Variants in LNPK observed in about 807,000 individuals in gnomAD.
LNPK encodes endoplasmic reticulum junction formation protein lunapark.
In LNPK, 29 loss-of-function variants were observed where a neutral mutation model predicts 55.2. That is an observed-to-expected ratio of 0.53 (90% CI 0.39 to 0.72). The LOEUF (loss-of-function observed/expected upper bound fraction) is 0.72. LNPK is among the 30% of genes least tolerant of loss of function. The pLI, the probability that LNPK is intolerant of heterozygous loss-of-function variation, is 0.00. For missense variants in LNPK, 467 were observed against 494.8 expected, an observed-to-expected ratio of 0.94 and a Z score of 0.53; for synonymous variants, 162 against 168.2, an observed-to-expected ratio of 0.96 and a Z score of 0.29.
Position 175,929,920 on chromosome 2 carries a change from A to T in LNPK, c.*47T>A. 6.2e-7 allele frequency: 1 copy of T among 1,604,458 alleles called. No individual in the cohort carries two copies. The highest frequency in any genetic ancestry group is 1.3e-5 in the African/African-American group (1 of 74,584). ...TGCCACCGAAAAAGCAATAACTGAC[A>T]TCAGTAAGACTATAAATATCCAGTT... On this transcript the variant is annotated 3_prime_UTR_variant, in exon 13 of 13. Transcript: ENST00000272748.
chr2:175,946,410 T>A (rs942461231), intron 9 of LNPK, among the ~76,000 whole-genome samples: 12 of 152,176 alleles, frequency 7.9e-5, no homozygotes, highest in Non-Finnish European at 7.4e-5. Flanking sequence ...CTGCCTTAAG[T>A]ATTGTCATTA....
chr2:175,961,267 C>T (rs577134155), intron 8 of LNPK, among the ~76,000 whole-genome samples: 64 of 152,132 alleles, frequency 4.2e-4, no homozygotes, highest in Non-Finnish European at 7.8e-4. Flanking sequence ...AAGTTTAGAC[C>T]AATATCCCTG....
intron 1 of LNPK, among the ~76,000 whole-genome samples, chr2:175,996,770 C>T (rs997535379): frequency 1.6e-4 from 24 of 152,206 alleles, no homozygotes; most frequent in African/African-American, 5.8e-4. Context: ...ATAACCACTT[C>T]TTTCAGTTGC....
At chr2:175,965,926 T>C (rs979345979) in intron 6 of LNPK, among the ~76,000 whole-genome samples, 2 of 152,212 alleles carry the variant, frequency 1.3e-5, no homozygotes, top group African/African-American at 4.8e-5. Context: ...CTTTTGATTT[T>C]TTAGCAGTGT....
rs1329526941 is a variant in LNPK at position 175,928,533 on chromosome 2, G to C, written c.*1434C>G. 7.0e-6 allele frequency: 1 copy of C among 142,806 alleles called. No individual in the cohort carries two copies. The highest frequency in any genetic ancestry group is 2.0e-4 in the East Asian group (1 of 4,918). 8.8% of individuals were successfully genotyped at this position (142,806 alleles called of 1,614,324 possible). ...CCAAAAAAAAAAAAAAAAAAAAACT[G>C]TCACATATGAGATATTAAATCATAA... On this transcript the variant is annotated 3_prime_UTR_variant, in exon 13 of 13. Coordinates refer to ENST00000272748, the MANE Select transcript of LNPK (RefSeq NM_030650.3).
chr2:175,940,027 G>T (rs747439798), intron 9 of LNPK, among the ~76,000 whole-genome samples: 2 of 151,932 alleles, frequency 1.3e-5, no homozygotes, highest in South Asian at 2.1e-4. Context: ...CCATAATAGA[G>T]CAACAGGAGT....
chr2:175,981,174 C>T (rs565986797), intron 4 of LNPK, among the ~76,000 whole-genome samples: 14 of 152,176 alleles, frequency 9.2e-5, no homozygotes, highest in South Asian at 2.1e-4. Flanking sequence ...AACAGCATGG[C>T]AGAAGTGATA....
intron 4 of LNPK, among the ~76,000 whole-genome samples, chr2:175,987,199 T>C (rs1019760172): frequency 7.2e-5 from 11 of 152,210 alleles, no homozygotes; most frequent in African/African-American, 2.7e-4. Flanking sequence ...TTGTAAATCA[T>C]GCTGCTATAA....
At position 175,930,078 on chromosome 2, in the gene LNPK, T is replaced by C. The variant is rs1684192820; in HGVS notation, c.1176A>G (p.Lys392=). The change falls in exon 13 of 13, where the codon AAA becomes AAG. Residue 392 remains lysine, a synonymous_variant. Transcript: ENST00000272748. ...KASDSEEPEE[K]QETENEEASV... Reference sequence around the variant, plus strand: ...AGGCTTCCTCATTCTCAGTCTCTTGTTTCTCCTCTGGTTCCTCTGAGTCAG... The same window carrying C: ...AGGCTTCCTCATTCTCAGTCTCTTGCTTCTCCTCTGGTTCCTCTGAGTCAG... The C allele has an allele frequency of 6.2e-7, 1 of 1,614,138 alleles. No individual in the cohort carries two copies. Among genetic ancestry groups the C allele is most frequent in the Non-Finnish European group, 8.5e-7 (1 of 1,179,988 alleles).
chr2:175,999,620 G>C (rs1408332152), intron 1 of LNPK, among the ~76,000 whole-genome samples: 1 of 152,100 alleles, frequency 6.6e-6, no homozygotes, highest in Non-Finnish European at 1.5e-5. Flanking sequence ...CAATTTGCTT[G>C]CCCTGGATTG....
In LNPK at chr2:175,947,475, T is replaced by C; in HGVS notation, c.706+5A>G. The C allele has an allele frequency of 6.2e-7, 1 of 1,609,158 alleles. No individual in the cohort carries two copies. Among genetic ancestry groups the C allele is most frequent in the Non-Finnish European group, 8.5e-7 (1 of 1,176,396 alleles). On this transcript the variant is annotated splice_donor_5th_base_variant and intron_variant, in intron 9 of 12. Coordinates refer to ENST00000272748, the MANE Select transcript of LNPK (RefSeq NM_030650.3). ...ACTGTAAATAACATTAAGTGCTCTG[T>C]TTACCCATTCCAGGCACTGAAGTAG... is the stretch of plus-strand genomic sequence containing the variant.
At chr2:175,952,900 G>A in intron 8 of LNPK, among the ~76,000 whole-genome samples, 1 of 151,962 alleles carries the variant, frequency 6.6e-6, no homozygotes, top group East Asian at 1.9e-4. Flanking sequence ...AACCATGCTA[G>A]GCACTATATA....
intron 8 of LNPK, among the ~76,000 whole-genome samples, chr2:175,952,623 T>C (rs915137067): frequency 3.3e-5 from 5 of 152,044 alleles, no homozygotes; most frequent in Non-Finnish European, 7.4e-5. Flanking sequence ...GTACTCTCAA[T>C]AGGTCAATGT....
Position 175,927,633 on chromosome 2 carries a change from G to T in LNPK, c.*2334C>A, listed in dbSNP as rs1217646933. The T allele has an allele frequency of 6.6e-6, 1 of 152,112 alleles. No homozygotes were observed. Among genetic ancestry groups the T allele is most frequent in the Non-Finnish European group, 1.5e-5 (1 of 68,024 alleles). The allele number at this position is 152,112 out of a possible 1,614,324, so 9.4% of individuals were successfully genotyped here. On this transcript the variant is annotated 3_prime_UTR_variant, in exon 13 of 13. Coordinates refer to ENST00000272748, the MANE Select transcript of LNPK (RefSeq NM_030650.3). ...TGTAGATCATGCTCAGGACATAGAA[G>T]AATTTAGATGACCCACTGAACAATT...
intron 5 of LNPK, among the ~76,000 whole-genome samples, chr2:175,976,515 T>TTG (rs1686919947): frequency 6.6e-6 from 1 of 152,040 alleles, no homozygotes. Flanking sequence ...GTCTGTGAGG[T>TTG]TGTTTTGGGG....
At chr2:175,937,305 C>G (rs775334465) in intron 12 of LNPK, 39 bp downstream of exon 12, 14 of 1,542,502 alleles carry the variant, frequency 9.1e-6, no homozygotes, top group Non-Finnish European at 1.2e-5. Flanking sequence ...TTAAATAACA[C>G]ATGTTATTAA....
intron 9 of LNPK, 68 bp from the exon 10 acceptor site, chr2:175,939,725 C>T (rs1189332587): frequency 4.1e-6 from 3 of 724,490 alleles, no homozygotes; most frequent in African/African-American, 3.6e-5. Context: ...ATTCCATTAC[C>T]AAGAACTACC....
In LNPK at chr2:175,970,469, T is replaced by C. The variant is rs7588994; in HGVS notation, c.357+295A>G. On this transcript the variant is annotated intron_variant, in intron 6 of 12. Transcript: ENST00000272748. ...TTTTATTTAGCTCTAATAAACAATC[T>C]GGTACCCACATTTTTACCCTCTCTG... Among the ~76,000 whole-genome samples, 453 of 152,260 alleles carry C rather than the reference T, an allele frequency of 3.0e-3. 1 individual carries two copies. Among genetic ancestry groups the C allele is most frequent in the African/African-American group, 0.011 (437 of 41,560 alleles).
rs938134933 is a variant in LNPK at position 175,924,454 on chromosome 2, T to A, written c.*5513A>T. 1 of 152,210 alleles carries A rather than the reference T, an allele frequency of 6.6e-6. No homozygotes were observed. Among genetic ancestry groups the A allele is most frequent in the Non-Finnish European group, 1.5e-5 (1 of 68,026 alleles). 9.4% of individuals were successfully genotyped at this position (152,210 alleles called of 1,614,324 possible). On this transcript the variant is annotated 3_prime_UTR_variant, in exon 13 of 13. Transcript: ENST00000272748. ...AGTAGACTTATAAGGTCTTATTTTT[T>A]AAATGAAACTTTATGTAACCTTCAG...
Sources: gnomAD v4.1 joint callset for allele counts (sites outside exome capture counted in the v4.1 genomes callset) on GRCh38, gnomAD v4.1.1 for gene constraint, MANE v1.5 for transcripts, NCBI Gene and HGNC (gene_info 2026-07-23, HGNC 2026-07-21) for gene names.